RIOX2: variants seen among roughly 807,000 people sequenced by gnomAD.
RIOX2 encodes 60S ribosomal protein L27a histidine hydroxylase.
A neutral mutation model predicts 51.2 loss-of-function variants in RIOX2; 43 were observed. That is an observed-to-expected ratio of 0.84 (90% confidence interval 0.66 to 1.08). The LOEUF (loss-of-function observed/expected upper bound fraction) is 1.08, where lower values mean the gene tolerates loss of function less well. Among genes scored for constraint, RIOX2 ranks in the 50% least tolerant of loss-of-function variants. RIOX2 has a pLI of 0.00. For missense variants in RIOX2, 566 were observed against 561.7 expected, an observed-to-expected ratio of 1.01 and a Z score of -0.08; for synonymous variants, 226 against 218.5, an observed-to-expected ratio of 1.03 and a Z score of -0.30.
intron 2 of RIOX2, among the ~76,000 whole-genome samples, chr3:97,965,511 C>CA (rs55974494): frequency 0.025 from 2,549 of 100,526 alleles, 47 homozygotes; most frequent in African/African-American, 0.065. Flanking sequence ...GACTCTGTCT[C>CA]AAAAAAAAAA....
Position 97,954,425 on chromosome 3 carries a change from G to C in RIOX2, c.752C>G (p.Ser251Cys). The C allele has an allele frequency of 6.2e-7, 1 of 1,613,936 alleles. No individual in the cohort carries two copies. Among genetic ancestry groups the C allele is most frequent in the Non-Finnish European group, 8.5e-7 (1 of 1,179,806 alleles). ...QADTPAGLAH[S>C]THVTISTYQN... The stretch of plus-strand genomic sequence containing the variant: ...GTAGGTGCTGATGGTCACGTGAGTA[G>C]AGTGGGCCAGCCCCGCAGGAGTGTC... Residue 251 changes from serine (S) to cysteine (C), a missense_variant, in exon 5 of 10, where the codon TCT (serine) becomes TGT (cysteine). Physicochemically the swap from Ser to Cys is moderately radical, Grantham distance 112. Coordinates refer to ENST00000394198, the MANE Select transcript of RIOX2 (RefSeq NM_153182.4).
chr3:97,966,693 G>A (rs983817341), intron 2 of RIOX2, among the ~76,000 whole-genome samples: 33 of 152,214 alleles, frequency 2.2e-4, no homozygotes, highest in African/African-American at 6.5e-4. Context: ...CATCTAGCAT[G>A]TGATCTGGTC....
At chr3:97,968,644 G>A (rs887829467) in intron 1 of RIOX2, among the ~76,000 whole-genome samples, 3 of 152,120 alleles carry the variant, frequency 2.0e-5, no homozygotes, top group African/African-American at 7.2e-5. Context: ...GATACTTAGA[G>A]GGTAGGTTTC....
chr3:97,960,540 T>G (rs1028112105), intron 3 of RIOX2, among the ~76,000 whole-genome samples: 1 of 152,138 alleles, frequency 6.6e-6, no homozygotes, highest in African/African-American at 2.4e-5. Flanking sequence ...TTTGACTGCA[T>G]GAGGTGTTGG....
At chr3:97,948,858 C>T (rs922936486) in intron 7 of RIOX2, among the ~76,000 whole-genome samples, 1 of 152,006 alleles carries the variant, frequency 6.6e-6, no homozygotes, top group East Asian at 1.9e-4. Flanking sequence ...AATCCAATTT[C>T]GTCTGAATTC....
At chr3:97,971,683 T>C (rs990092003) in intron 1 of RIOX2, 1 of 152,204 alleles carries the variant, frequency 6.6e-6, no homozygotes, top group East Asian at 1.9e-4. Context: ...ATCAGGTTCC[T>C]CTGCTCAAAG....
chr3:97,946,586 G>GTGTATATATATATATATATATATA (rs143245408), intron 8 of RIOX2, among the ~76,000 whole-genome samples: 2 of 127,634 alleles, frequency 1.6e-5, no homozygotes, highest in African/African-American at 6.7e-5. Context: ...TTTTGAGGAT[G>GTGTATATATATATATATATATATA]TATATATATA....
At chr3:97,952,635 A>C (rs1705293195) in intron 5 of RIOX2, among the ~76,000 whole-genome samples, 2 of 152,210 alleles carry the variant, frequency 1.3e-5, no homozygotes, top group South Asian at 4.1e-4. Context: ...GTACCTGAGA[A>C]ACATTAACGA....
intron 4 of RIOX2, 118 bp downstream of exon 4, chr3:97,958,933 G>A (rs576813515): frequency 1.7e-6 from 2 of 1,162,820 alleles, no homozygotes; most frequent in Non-Finnish European, 2.3e-6. Flanking sequence ...GAAACCCAGG[G>A]ATATATTCCC....
chr3:97,957,199 G>T (rs941932009), intron 4 of RIOX2, among the ~76,000 whole-genome samples: 5 of 151,446 alleles, frequency 3.3e-5, no homozygotes, highest in Admixed American at 3.3e-4. Context: ...AGGCCCACTG[G>T]TTAAAAGCTC....
In RIOX2 at chr3:97,943,192, C is replaced by G; in HGVS notation, c.*1992G>C. ...TGAAATTGCTAAGCACCTGCCTGAA[C>G]AAATAATCTTTTCTTTTGGAATTTC... On this transcript the variant is annotated 3_prime_UTR_variant, in exon 10 of 10. Coordinates refer to ENST00000394198, the MANE Select transcript of RIOX2 (RefSeq NM_153182.4). 1 of 1,283,150 alleles carries G rather than the reference C, an allele frequency of 7.8e-7. No homozygotes were observed. The highest frequency in any genetic ancestry group is 1.2e-5 in the South Asian group (1 of 80,620). The allele number at this position is 1,283,150 out of a possible 1,614,324, so 79.5% of individuals were successfully genotyped here. A position where few individuals can be genotyped will look rare whatever the true frequency, so the allele number is the denominator to read the frequency against.
Position 97,942,955 on chromosome 3 carries a change from G to A in RIOX2, c.*2229C>T. ...TGACATTCAGCCAGAGTTCTCTCAA[G>A]AGCACTTTGTTCTAAAGAATCACAT... On this transcript the variant is annotated 3_prime_UTR_variant, in exon 10 of 10. Transcript: ENST00000394198. 5.5e-6 allele frequency: 2 copies of A among 364,620 alleles called. No individual in the cohort carries two copies. 22.6% of individuals were successfully genotyped at this position (364,620 alleles called of 1,614,324 possible).
chr3:97,946,586 G>GTGTATATATATATATATATATATATATA (rs143245408), intron 8 of RIOX2, among the ~76,000 whole-genome samples: 11 of 127,604 alleles, frequency 8.6e-5, no homozygotes, highest in African/African-American at 3.7e-4. Context: ...TTTTGAGGAT[G>GTGTATATATATATATATATATATATATA]TATATATATA....
At chr3:97,959,375 G>A (rs1220848568) in intron 3 of RIOX2, among the ~76,000 whole-genome samples, 196 bp from the exon 4 acceptor site, 1 of 143,624 alleles carries the variant, frequency 7.0e-6, no homozygotes, top group African/African-American at 2.6e-5. Context: ...CTGGAGTGCA[G>A]TGTCACAATT....
In RIOX2 at chr3:97,955,150, C is replaced by T. The variant is rs577988639; in HGVS notation, c.682-655G>A. Among the ~76,000 whole-genome samples the T allele has an allele frequency of 4.9e-4, 74 of 152,212 alleles. 2 individuals carry two copies. The East Asian group carries it at 0.014, about 29-fold the overall frequency. ...CTTACCATCTTGTCTTTCCCAGAGC[C>T]TACCCTAGCAAAGCACCTAGCACTC... On this transcript the variant is annotated intron_variant, in intron 4 of 9. Coordinates refer to ENST00000394198, the MANE Select transcript of RIOX2 (RefSeq NM_153182.4).
Position 97,943,067 on chromosome 3 carries a change from G to A in RIOX2, c.*2117C>T. ...TAAGGTCCAATTTGAGGTGAATAATGGCTAAGCCTGTTCAAACTCAGCTTC... is the reference window on the plus strand; with the variant it reads ...TAAGGTCCAATTTGAGGTGAATAATAGCTAAGCCTGTTCAAACTCAGCTTC... On this transcript the variant is annotated 3_prime_UTR_variant, in exon 10 of 10. Coordinates refer to ENST00000394198, the MANE Select transcript of RIOX2 (RefSeq NM_153182.4). 1 of 593,936 alleles carries A rather than the reference G, an allele frequency of 1.7e-6. No homozygotes were observed. 36.8% of individuals were successfully genotyped at this position (593,936 alleles called of 1,614,324 possible). A position where few individuals can be genotyped will look rare whatever the true frequency, so the allele number is the denominator to read the frequency against.
chr3:97,961,751 G>T, intron 2 of RIOX2, 43 bp from the exon 3 acceptor site: 3 of 1,542,084 alleles, frequency 1.9e-6, no homozygotes, highest in Non-Finnish European at 2.6e-6. Context: ...GTGGGGGAGT[G>T]AAAAATGTAT....
chr3:97,954,592 T>A (rs897003077), intron 4 of RIOX2, 97 bp from the exon 5 acceptor site: 2 of 1,018,986 alleles, frequency 2.0e-6, no homozygotes, highest in African/African-American at 3.2e-5. Context: ...GAGTCTCAGT[T>A]CTCCATTCTA....
chr3:97,947,286 T>A, intron 8 of RIOX2, 75 bp downstream of exon 8: 1 of 1,123,362 alleles, frequency 8.9e-7, no homozygotes, highest in Admixed American at 1.8e-5. Flanking sequence ...AGACCAGTGG[T>A]TAATCTAATA....
Sources: allele counts gnomAD v4.1 joint callset (sites outside exome capture counted in the v4.1 genomes callset), GRCh38; gene constraint gnomAD v4.1.1; transcripts MANE v1.5; gene names NCBI Gene and HGNC (gene_info 2026-07-23, HGNC 2026-07-21).